DCC: variants seen among roughly 807,000 people sequenced by gnomAD.
DCC encodes the protein DCC netrin 1 receptor.
In DCC, 58 loss-of-function variants were observed where a neutral mutation model predicts 172.5. That is an observed-to-expected ratio of 0.34 (90% confidence interval 0.27 to 0.42). The LOEUF (loss-of-function observed/expected upper bound fraction) is 0.42. DCC is among the 10% of genes least tolerant of loss of function. The pLI is 1.00. For synonymous variants in DCC, 709 were observed against 644.5 expected (o/e 1.10, Z -1.52); for missense variants, 1,740 against 1,791.0 (o/e 0.97, Z 0.51).
intron 7 of DCC, among the ~76,000 whole-genome samples, chr18:53,101,948 A>G (rs1368836682): frequency 6.6e-6 from 1 of 152,058 alleles, no homozygotes; most frequent in Non-Finnish European, 1.5e-5. Context: ...AGGAGTAGGG[A>G]ATGAAAAGGG....
At chr18:52,860,796 G>A (rs978642643) in intron 2 of DCC, among the ~76,000 whole-genome samples, 1 of 152,066 alleles carries the variant, frequency 6.6e-6, no homozygotes, top group African/African-American at 2.4e-5. Context: ...TCAGGAGACC[G>A]AGACCATCCT....
chr18:53,075,436 A>C (rs7236047), intron 7 of DCC, among the ~76,000 whole-genome samples: 2 of 152,164 alleles, frequency 1.3e-5, no homozygotes, highest in Non-Finnish European at 2.9e-5. Context: ...ATATGAATGT[A>C]CTGAGACCAG....
At chr18:53,138,091 G>A (rs1418961605) in intron 7 of DCC, among the ~76,000 whole-genome samples, 1 of 152,000 alleles carries the variant, frequency 6.6e-6, no homozygotes, top group Non-Finnish European at 1.5e-5. Flanking sequence ...GCCTCCCAAA[G>A]TGCTGAGATT....
intron 5 of DCC, among the ~76,000 whole-genome samples, chr18:52,980,796 A>T (rs905623614): frequency 2.6e-5 from 4 of 152,212 alleles, no homozygotes; most frequent in African/African-American, 9.6e-5. Flanking sequence ...AAATTATCTA[A>T]TTTATCTCAA....
Position 52,917,052 on chromosome 18 carries a change from A to G in DCC, c.698-6655A>G, listed in dbSNP as rs376961635. ...AATCCCAGCAACTTGGGAGGCTGAG[A>G]CAGGCAGATTGCTTGAGCTCAAGAG... On this transcript the variant is annotated intron_variant, in intron 3 of 28. Transcript: ENST00000442544. 3.0e-4 allele frequency among the ~76,000 whole-genome samples: 45 copies of G among 149,982 alleles called. 1 individual carries two copies. The South Asian group carries it at 9.3e-3, about 31-fold the overall frequency.
intron 8 of DCC, among the ~76,000 whole-genome samples, chr18:53,163,929 C>G (rs900952304): frequency 2.6e-5 from 4 of 152,174 alleles, no homozygotes; most frequent in Admixed American, 6.5e-5. Flanking sequence ...CTGCCAGATA[C>G]TAGGCTAAGC....
intron 2 of DCC, among the ~76,000 whole-genome samples, chr18:52,844,294 TGATA>T (rs1475284392): frequency 1.7e-4 from 24 of 144,784 alleles, no homozygotes; most frequent in East Asian, 4.2e-4. Flanking sequence ...GATGATTGAT[TGATA>T]GATAGGTAGA....
intron 8 of DCC, among the ~76,000 whole-genome samples, chr18:53,177,107 C>T (rs1407621969): frequency 6.6e-6 from 1 of 151,002 alleles, no homozygotes; most frequent in Non-Finnish European, 1.5e-5. Flanking sequence ...CATATTCTCA[C>T]TCATAGGTGG....
chr18:53,318,707 G>C (rs1025712115), intron 13 of DCC, among the ~76,000 whole-genome samples: 5 of 146,202 alleles, frequency 3.4e-5, no homozygotes, highest in African/African-American at 1.3e-4. Flanking sequence ...AGCTCTTCTT[G>C]TTTCATTGAT....
chr18:53,447,471 C>CTGG (rs1912688276), intron 22 of DCC, among the ~76,000 whole-genome samples: 1 of 152,172 alleles, frequency 6.6e-6, no homozygotes, highest in African/African-American at 2.4e-5. Flanking sequence ...TATAATCTCA[C>CTGG]TGGTACTCAG....
chr18:52,840,461 C>T (rs147818912), intron 2 of DCC, among the ~76,000 whole-genome samples: 3 of 152,272 alleles, frequency 2.0e-5, no homozygotes, highest in Non-Finnish European at 4.4e-5. Context: ...TTCTCAGTAA[C>T]ACCAATATTT....
intron 1 of DCC, among the ~76,000 whole-genome samples, chr18:52,738,999 C>T (rs1324280361): frequency 2.6e-5 from 4 of 151,958 alleles, no homozygotes; most frequent in Non-Finnish European, 4.4e-5. Flanking sequence ...CCTCTCACCT[C>T]GGCCTCCCTA....
At chr18:53,339,507 G>A (rs760027122) in intron 14 of DCC, among the ~76,000 whole-genome samples, 2 of 152,052 alleles carry the variant, frequency 1.3e-5, no homozygotes, top group Non-Finnish European at 2.9e-5. Context: ...GAAAGAACTC[G>A]GTATTCTTGT....
chr18:52,853,122 A>G (rs1390822296), intron 2 of DCC, among the ~76,000 whole-genome samples: 1 of 152,178 alleles, frequency 6.6e-6, no homozygotes, highest in African/African-American at 2.4e-5. Flanking sequence ...GGACAACGAG[A>G]CACAGTGACA....
intron 26 of DCC, among the ~76,000 whole-genome samples, chr18:53,494,911 A>G (rs2046001553): frequency 1.3e-5 from 2 of 152,104 alleles, no homozygotes; most frequent in Admixed American, 6.6e-5. Flanking sequence ...GGTCTTTACA[A>G]TTTGGTATGT....
At chr18:53,513,114 C>G (rs893385396) in intron 27 of DCC, among the ~76,000 whole-genome samples, 1 of 152,206 alleles carries the variant, frequency 6.6e-6, no homozygotes, top group South Asian at 2.1e-4. Flanking sequence ...GCTGATCTCT[C>G]AGCAGAAATC....
intron 1 of DCC, among the ~76,000 whole-genome samples, chr18:52,546,241 T>G (rs1145277): frequency 0.25 from 37,660 of 151,936 alleles, 4,819 homozygotes; most frequent in African/African-American, 0.3. Context: ...ACACTGGAGA[T>G]CTATAGTTAA....
intron 27 of DCC, among the ~76,000 whole-genome samples, chr18:53,512,259 TAGA>T (rs2046266315): frequency 6.7e-6 from 1 of 150,140 alleles, no homozygotes; most frequent in Non-Finnish European, 1.5e-5. Context: ...TCCTGTCTGT[TAGA>T]AGGAAAACTA....
intron 7 of DCC, among the ~76,000 whole-genome samples, chr18:53,112,049 T>C (rs1414844616): frequency 1.3e-5 from 2 of 151,352 alleles, no homozygotes; most frequent in Non-Finnish European, 3.0e-5. Context: ...TGAGCTGCAT[T>C]GAGTGACTCT....
Sources: allele counts gnomAD v4.1 joint callset (sites outside exome capture counted in the v4.1 genomes callset), GRCh38; gene constraint gnomAD v4.1.1; transcripts MANE v1.5; gene names NCBI Gene and HGNC (gene_info 2026-07-23, HGNC 2026-07-21).